The following TUBD1 variants were observed in gnomAD, a reference collection of about 807,000 sequenced individuals.
The protein encoded by TUBD1 is tubulin delta chain.
In TUBD1, 38 loss-of-function variants were observed where a neutral mutation model predicts 51.2. The ratio of observed to expected loss-of-function variants is 0.74; its 90% CI spans 0.57 to 0.97. The LOEUF (loss-of-function observed/expected upper bound fraction) is 0.97. TUBD1 is among the 50% of genes least tolerant of loss of function. The pLI is 0.00. For synonymous variants in TUBD1, 169 were observed against 178.2 expected (o/e 0.95, Z 0.41); for missense variants, 489 against 538.4 (o/e 0.91, Z 0.91).
At chr17:59,864,622 C>G (rs996507427) in intron 7 of TUBD1, among the ~76,000 whole-genome samples, 1 of 151,988 alleles carries the variant, frequency 6.6e-6, no homozygotes, top group Non-Finnish European at 1.5e-5. Context: ...CCACCTCAGC[C>G]TCCCAAGTAG....
intron 5 of TUBD1, among the ~76,000 whole-genome samples, chr17:59,877,470 G>C (rs866808763): frequency 6.6e-6 from 1 of 152,198 alleles, no homozygotes; most frequent in Non-Finnish European, 1.5e-5. Context: ...CCAGAGTTCA[G>C]TCTGGCTGCT....
intron 6 of TUBD1, among the ~76,000 whole-genome samples, chr17:59,869,296 A>C (rs1362366124): frequency 2.6e-5 from 4 of 151,702 alleles, no homozygotes; most frequent in South Asian, 4.2e-4. Context: ...CAATATGGTG[A>C]AACCCCGTCT....
intron 6 of TUBD1, among the ~76,000 whole-genome samples, chr17:59,870,832 T>C (rs1183959641): frequency 1.3e-5 from 2 of 152,124 alleles, no homozygotes; most frequent in Non-Finnish European, 2.9e-5. Context: ...TCCGTAAGGG[T>C]CCATTCAGTG....
intron 1 of TUBD1, among the ~76,000 whole-genome samples, chr17:59,891,277 C>T (rs758986662): frequency 6.6e-5 from 10 of 151,908 alleles, no homozygotes; most frequent in Admixed American, 1.3e-4. Flanking sequence ...ATTACAGGCA[C>T]GTGCCACCAC....
intron 3 of TUBD1, chr17:59,885,000 A>C (rs2040653965): frequency 3.6e-6 from 1 of 278,450 alleles, no homozygotes; most frequent in Admixed American, 4.7e-5. Flanking sequence ...GCAGAAGGGA[A>C]ATGTGAAGGT....
intron 6 of TUBD1, among the ~76,000 whole-genome samples, chr17:59,869,012 A>G (rs2039852755): frequency 6.7e-6 from 1 of 150,140 alleles, no homozygotes; most frequent in African/African-American, 2.4e-5. Flanking sequence ...GTGAAACCCC[A>G]TCTCAAAAAC....
rs570782148 is a variant in TUBD1, at chr17:59,881,739, C to T, written c.321-629G>A. Among the ~76,000 whole-genome samples the T allele has an allele frequency of 8.6e-5, 13 of 152,016 alleles. 1 individual carries two copies. Among genetic ancestry groups the T allele is most frequent in the South Asian group, 8.3e-4 (4 of 4,824 alleles). ...TCACCAGGGCTGGAGTACAATGGCGCGATCTCGGCTCACTCCCCCTCCCGG... is the reference window on the plus strand; with the variant it reads ...TCACCAGGGCTGGAGTACAATGGCGTGATCTCGGCTCACTCCCCCTCCCGG... On this transcript the variant is annotated intron_variant, in intron 3 of 8. Transcript: ENST00000325752.
At chr17:59,867,898 C>T (rs529355731) in intron 6 of TUBD1, among the ~76,000 whole-genome samples, 1 of 151,888 alleles carries the variant, frequency 6.6e-6, no homozygotes, top group South Asian at 2.1e-4. Context: ...GCAGTATGCT[C>T]TCACACTGGA....
intron 6 of TUBD1, among the ~76,000 whole-genome samples, chr17:59,872,548 GAAT>G (rs1325634178): frequency 1.3e-5 from 2 of 151,998 alleles, no homozygotes; most frequent in African/African-American, 4.8e-5. Flanking sequence ...GCTCTACTCT[GAAT>G]AATATTTAGA....
At chr17:59,864,376 C>G (rs1212202506) in intron 7 of TUBD1, among the ~76,000 whole-genome samples, 1 of 151,682 alleles carries the variant, frequency 6.6e-6, no homozygotes, top group Non-Finnish European at 1.5e-5. Context: ...GAACTCCTGG[C>G]CTCAAGTGAT....
chr17:59,887,553 G>A (rs1046468123), intron 2 of TUBD1, among the ~76,000 whole-genome samples: 1 of 152,152 alleles, frequency 6.6e-6, no homozygotes, highest in Non-Finnish European at 1.5e-5. Context: ...TAGAAGTGAT[G>A]GATGGGGATG....
At chr17:59,886,042 T>C in intron 3 of TUBD1, 41 bp downstream of exon 3, 5 of 1,606,588 alleles carry the variant, frequency 3.1e-6, no homozygotes, top group Non-Finnish European at 4.3e-6. Context: ...ATTGACTGTG[T>C]AGCTGTCACT....
At chr17:59,891,167 G>T in intron 1 of TUBD1, 126 bp from the exon 2 acceptor site, 2 of 563,236 alleles carry the variant, frequency 3.6e-6, no homozygotes, top group Non-Finnish European at 6.1e-6. Context: ...GTCTTGTTCT[G>T]TCACCCAGGC....
At chr17:59,891,997 AT>A (rs2144603220) in intron 1 of TUBD1, 1 of 152,308 alleles carries the variant, frequency 6.6e-6, no homozygotes, top group East Asian at 1.9e-4. Context: ...AATTAAAAAA[AT>A]AAAAACAAGA....
chr17:59,860,459 A>T, intron 8 of TUBD1, 35 bp from the exon 9 acceptor site: 1 of 1,387,350 alleles, frequency 7.2e-7, no homozygotes, highest in Non-Finnish European at 1.0e-6. Flanking sequence ...AAATTACAAA[A>T]TAAAAAATGT....
rs573936498 is a variant in TUBD1 at position 59,881,090 on chromosome 17, C to T, written c.341G>A (p.Arg114Lys). Residue 114 changes from arginine to lysine, a missense_variant, in exon 4 of 9, where the codon AGG becomes AAG. By Grantham distance (26) the Arg-to-Lys change is conservative. Coordinates refer to ENST00000325752, the MANE Select transcript of TUBD1 (RefSeq NM_016261.4). Reference protein sequence around the residue: ...WAYGYSVHGPRHEESIMNIIR... With the variant: ...WAYGYSVHGPKHEESIMNIIR... ...TATGTTCATTATAGATTCTTCATGC[C>T]TGGGTCCATGAACAGAGTAACTATG... is the stretch of plus-strand genomic sequence containing the variant. The T allele has an allele frequency of 2.0e-5, 32 of 1,613,956 alleles. No homozygotes were observed. The highest frequency in any genetic ancestry group is 2.6e-5 in the Non-Finnish European group (31 of 1,179,908).
chr17:59,873,674 C>T (rs997581274), intron 6 of TUBD1, among the ~76,000 whole-genome samples: 1 of 151,670 alleles, frequency 6.6e-6, no homozygotes, highest in African/African-American at 2.4e-5. Flanking sequence ...ACCAGCCTGG[C>T]CAATATGGTG....
chr17:59,864,123 T>C (rs1038850223), intron 7 of TUBD1, among the ~76,000 whole-genome samples: 8 of 152,058 alleles, frequency 5.3e-5, no homozygotes, highest in African/African-American at 1.9e-4. Context: ...TGCATTCTTC[T>C]TAACACTTTT....
rs1398670062 is a variant in TUBD1, at chr17:59,891,023, T to C, written c.-21A>G. The C allele has an allele frequency of 6.3e-7, 1 of 1,591,704 alleles. No homozygotes were observed. The highest frequency in any genetic ancestry group is 1.8e-5 in the Admixed American group (1 of 55,172). ...GACATGCTGAGCCACAAACTAGGTG[T>C]ATTACCTCTAAAAACAACCTGTAAT... On this transcript the variant is annotated 5_prime_UTR_variant, in exon 2 of 9. It adds an upstream start codon to the 5' untranslated region. Coordinates refer to ENST00000325752, the MANE Select transcript of TUBD1 (RefSeq NM_016261.4).
Sources: gnomAD v4.1 joint callset for allele counts (sites outside exome capture counted in the v4.1 genomes callset) on GRCh38, gnomAD v4.1.1 for gene constraint, MANE v1.5 for transcripts, NCBI Gene and HGNC (gene_info 2026-07-23, HGNC 2026-07-21) for gene names.